The following CFAP65 variants were observed in gnomAD, a reference collection of about 807,000 sequenced individuals.
CFAP65 encodes the protein cilia- and flagella-associated protein 65.
A neutral mutation model predicts 208.0 loss-of-function variants in CFAP65; 155 were observed. The ratio of observed to expected loss-of-function variants is 0.75; its 90% CI spans 0.65 to 0.85. The LOEUF (loss-of-function observed/expected upper bound fraction) is 0.85. Among genes scored for constraint, CFAP65 ranks in the 40% least tolerant of loss-of-function variants. The pLI, the probability that CFAP65 is intolerant of heterozygous loss-of-function variation, is 0.00. For missense variants in CFAP65, 2,294 were observed against 2,451.3 expected, an observed-to-expected ratio of 0.94 and a Z score of 1.36; for synonymous variants, 970 against 986.3, an observed-to-expected ratio of 0.98 and a Z score of 0.31.
At chr2:219,033,504 A>C (rs1948176024) in intron 5 of CFAP65, among the ~76,000 whole-genome samples, 1 of 138,646 alleles carries the variant, frequency 7.2e-6, no homozygotes, top group African/African-American at 3.0e-5. Flanking sequence ...GAAAAGAAAG[A>C]AAAGAAAGAG....
Position 219,029,593 on chromosome 2 carries a change from A to C in CFAP65, c.1460T>G (p.Leu487Arg), listed in dbSNP as rs764891931. The change falls in exon 11 of 35, where the codon CTG (leucine) becomes CGG (arginine). Residue 487 changes from leucine to arginine, a missense_variant. By Grantham distance (102) the Leu-to-Arg change is moderately radical. Coordinates refer to ENST00000341552, the MANE Select transcript of CFAP65 (RefSeq NM_194302.4). ...VNLGERSEQP[L>R]WIENQSDCTA... Reference sequence around the variant, plus strand: ...GCAGTCCGATTGGTTCTCAATCCACAGGGGCTGCTCGGAGCGCTCCCCAAG... The same window carrying C: ...GCAGTCCGATTGGTTCTCAATCCACCGGGGCTGCTCGGAGCGCTCCCCAAG... The C allele has an allele frequency of 2.5e-6, 4 of 1,614,162 alleles. No homozygotes were observed. Among genetic ancestry groups the C allele is most frequent in the Non-Finnish European group, 3.4e-6 (4 of 1,180,012 alleles).
Position 219,032,742 on chromosome 2 carries a change from G to A in CFAP65, c.543-170C>T, listed in dbSNP as rs973526211. ...TGGAAACTCAGGGGTTTGGTCACAA[G>A]AGGACCCACCCTCCTCCTCCCCCTC... On this transcript the variant is annotated intron_variant, in intron 5 of 34. Transcript: ENST00000341552. The surrounding 1 kb of genome is among the most constrained non-coding windows in gnomAD (Gnocchi z 5.5). Among the ~76,000 whole-genome samples the A allele has an allele frequency of 6.6e-6, 1 of 151,960 alleles. No individual in the cohort carries two copies. Among genetic ancestry groups the A allele is most frequent in the African/African-American group, 2.4e-5 (1 of 41,362 alleles).
chr2:219,003,942 G>A lies in CFAP65; in HGVS notation c.5555+10C>T. 6.2e-7 allele frequency: 1 copy of A among 1,605,358 alleles called. No homozygotes were observed. Among genetic ancestry groups the A allele is most frequent in the Non-Finnish European group, 8.5e-7 (1 of 1,174,548 alleles). On this transcript the variant is annotated intron_variant, in intron 33 of 34. Transcript: ENST00000341552. The surrounding 1 kb of genome is among the most constrained non-coding windows in gnomAD (Gnocchi z 4.4). ...CTCCCTCCCGTCCTCACTGGGGCCT[G>A]GCTGCTCACCTTCTGATGGCCTCCT... is the stretch of plus-strand genomic sequence containing the variant.
chr2:219,006,259 G>A (rs778187028), intron 30 of CFAP65, 36 bp from the exon 31 acceptor site: 2 of 1,582,616 alleles, frequency 1.3e-6, no homozygotes, highest in South Asian at 1.1e-5. Flanking sequence ...ACAAGGGTTT[G>A]GGCACCACAT....
chr2:219,023,908 G>T, intron 15 of CFAP65, 107 bp downstream of exon 15: 4 of 1,335,562 alleles, frequency 3.0e-6, no homozygotes, highest in Non-Finnish European at 4.1e-6. Flanking sequence ...AGGAGAAGTG[G>T]CCCCCTGGAA....
chr2:219,013,283 A>G lies in CFAP65; in HGVS notation c.3933T>C (p.Ile1311=), dbSNP rs1170134575. ...CCTGCCGTGGGGGTAGCGTGTCACC[A>G]ATGGGAATGGGGATGAACTGGTGGG... ...STTHQFIPIP[I]GDTLPPRQIY... is the part of the protein sequence containing the mutation. The change falls in exon 24 of 35, where the codon ATT becomes ATC. Residue 1311 remains isoleucine (I), a synonymous_variant. Transcript: ENST00000341552. The G allele has an allele frequency of 6.2e-6, 10 of 1,613,812 alleles. No homozygotes were observed. Among genetic ancestry groups the G allele is most frequent in the Non-Finnish European group, 8.5e-6 (10 of 1,179,842 alleles).
In CFAP65 at chr2:219,039,039, A is replaced by C. The variant is rs770756234; in HGVS notation, c.10T>G (p.Leu4Val). MFT[L>V]TGCRLVEKTQ... is the part of the protein sequence containing the mutation. ...TTCTCCACCAGTCTACAACCGGTTA[A>C]GGTAAACATCACTGAAATAAATCAA... The change falls in exon 3 of 35, where the codon TTA becomes GTA. Residue 4 changes from leucine (L) to valine (V), a missense_variant. Physicochemically the swap from Leu to Val is conservative, Grantham distance 32. Transcript: ENST00000341552. 1 of 1,604,984 alleles carries C rather than the reference A, an allele frequency of 6.2e-7. No homozygotes were observed. The highest frequency in any genetic ancestry group is 1.1e-5 in the South Asian group (1 of 89,562).
At chr2:219,027,584 C>T (rs1282071891) in intron 13 of CFAP65, 66 bp downstream of exon 13, 3 of 1,613,138 alleles carry the variant, frequency 1.9e-6, no homozygotes, top group East Asian at 4.5e-5. Flanking sequence ...CTTCCTGCCA[C>T]CCCACCAAGC....
At position 219,023,966 on chromosome 2, in the gene CFAP65, G is replaced by A. The variant is rs759403722; in HGVS notation, c.2595+49C>T. The A allele has an allele frequency of 1.2e-5, 19 of 1,584,946 alleles. No homozygotes were observed. In the South Asian group the frequency reaches 1.7e-4, roughly 14 times the overall value. On this transcript the variant is annotated intron_variant, in intron 15 of 34. Transcript: ENST00000341552. ...TATGGCCTTGAAAAGGGTGGTTCAA[G>A]ATTATGGCCCATTCCCAAGGACCCA...
At chr2:219,026,939 C>G (rs1947670976) in intron 13 of CFAP65, 1 of 986,178 alleles carries the variant, frequency 1.0e-6, no homozygotes. Context: ...GGACGTGGTC[C>G]CAAGTTTAGA....
At chr2:219,007,663 C>G (rs763861312) in intron 29 of CFAP65, among the ~76,000 whole-genome samples, 1 of 152,066 alleles carries the variant, frequency 6.6e-6, no homozygotes, top group Non-Finnish European at 1.5e-5. Context: ...AGACCCTCCC[C>G]CTCCCAAAAC....
At chr2:219,036,164 G>A (rs1400550686) in intron 4 of CFAP65, among the ~76,000 whole-genome samples, 1 of 152,178 alleles carries the variant, frequency 6.6e-6, no homozygotes, top group African/African-American at 2.4e-5. Flanking sequence ...GGCTGGTGGG[G>A]CAGAGGAGGA....
intron 24 of CFAP65, among the ~76,000 whole-genome samples, chr2:219,012,897 C>T (rs1219912538): frequency 1.3e-5 from 2 of 152,090 alleles, no homozygotes; most frequent in Non-Finnish European, 2.9e-5. Context: ...TATCAATTTG[C>T]AGTAATTCTA....
intron 3 of CFAP65, 73 bp downstream of exon 3, chr2:219,038,823 C>T: frequency 1.3e-6 from 2 of 1,509,558 alleles, no homozygotes; most frequent in East Asian, 2.3e-5. Context: ...GCCCACCCCA[C>T]TAGGCCCCTC....
chr2:219,029,325 CCCA>C, intron 11 of CFAP65, 75 bp downstream of exon 11: 1 of 1,525,306 alleles, frequency 6.6e-7, no homozygotes, highest in Non-Finnish European at 8.9e-7. Flanking sequence ...CAGGGAAGTG[CCCA>C]CCAAGCCTTG....
Position 219,021,009 on chromosome 2 carries a change from C to T in CFAP65, c.3259+143G>A, listed in dbSNP as rs7600724. On this transcript the variant is annotated intron_variant, in intron 19 of 34. Coordinates refer to ENST00000341552, the MANE Select transcript of CFAP65 (RefSeq NM_194302.4). ...ACATGTCTGGTGTGTGGCATTTATGCCAGACACCAAAGGCACACCTCAGCA... is the reference window on the plus strand; with the variant it reads ...ACATGTCTGGTGTGTGGCATTTATGTCAGACACCAAAGGCACACCTCAGCA... 965 of 852,308 alleles carry T rather than the reference C, an allele frequency of 1.1e-3. 9 individuals carry two copies. The African/African-American group carries it at 0.014, about 12-fold the overall frequency. 52.8% of individuals were successfully genotyped at this position (852,308 alleles called of 1,614,324 possible).
At chr2:219,008,934 GGGCA>G (rs967728968) in intron 29 of CFAP65, 109 bp downstream of exon 29, 8 of 751,468 alleles carry the variant, frequency 1.1e-5, no homozygotes, top group Non-Finnish European at 1.6e-5. Flanking sequence ...TAATCTCTTA[GGGCA>G]GGCTGGCTGG....
At chr2:219,039,495 T>C (rs918847199) in intron 2 of CFAP65, among the ~76,000 whole-genome samples, 38 of 152,226 alleles carry the variant, frequency 2.5e-4, no homozygotes, top group African/African-American at 8.7e-4. Context: ...GGTTCATCTC[T>C]GATTTCCCTT....
chr2:219,026,373 T>C (rs1371063376), intron 13 of CFAP65, among the ~76,000 whole-genome samples: 1 of 152,150 alleles, frequency 6.6e-6, no homozygotes, highest in East Asian at 1.9e-4. Context: ...ATGCTCTCTT[T>C]AGTCCTCACA....
Sources: gnomAD v4.1 joint callset for allele counts (sites outside exome capture counted in the v4.1 genomes callset) on GRCh38, gnomAD v4.1.1 for gene constraint, Gnocchi (gnomAD v3.1) non-coding constraint, MANE v1.5 for transcripts, NCBI Gene and HGNC (gene_info 2026-07-23, HGNC 2026-07-21) for gene names.